The following RPS6KC1 variants were observed in gnomAD, a reference collection of about 807,000 sequenced individuals.
RPS6KC1 encodes the protein inactive ribosomal protein S6 kinase delta-1.
In RPS6KC1, 54 loss-of-function variants were observed where a neutral mutation model predicts 103.8. The observed-to-expected ratio is 0.52, with a 90% CI of 0.42 to 0.65. RPS6KC1 has a LOEUF of 0.65. Ranked by LOEUF, RPS6KC1 falls within the 30% of genes least tolerant of loss-of-function variation. The probability of loss-of-function intolerance (pLI) is 0.00; values close to 1 mark genes in which losing one functional copy is unlikely to be tolerated. For synonymous variants in RPS6KC1, 439 were observed against 438.7 expected (o/e 1.00, Z -0.01); for missense variants, 1,151 against 1,253.8 (o/e 0.92, Z 1.24).
chr1:213,813,154 G>A, the RPS6KC1 span, among the ~76,000 whole-genome samples: 1 of 152,026 alleles, frequency 6.6e-6, no homozygotes, highest in Non-Finnish European at 1.5e-5. Flanking sequence ...GGGAGGCTGA[G>A]GCAGGAGAAT....
At chr1:213,409,993 G>A in the RPS6KC1 span, among the ~76,000 whole-genome samples, 27 of 152,234 alleles carry the variant, frequency 1.8e-4, no homozygotes, top group South Asian at 4.1e-4. Context: ...TGAGAGCCCC[G>A]TCTCTAAAAA....
At chr1:213,406,348 T>G in the RPS6KC1 span, among the ~76,000 whole-genome samples, 1 of 152,226 alleles carries the variant, frequency 6.6e-6, no homozygotes, top group Admixed American at 6.5e-5. Flanking sequence ...TGCATTTTTT[T>G]CCTTTCCTTT....
At chr1:213,228,137 A>C (rs1322208506) in intron 8 of RPS6KC1, among the ~76,000 whole-genome samples, 2 of 152,200 alleles carry the variant, frequency 1.3e-5, no homozygotes, top group Admixed American at 6.5e-5. Context: ...CAGCAGAAGA[A>C]AGGAAGAAAG....
chr1:213,355,232 A>AAG, the RPS6KC1 span, among the ~76,000 whole-genome samples: 3 of 151,782 alleles, frequency 2.0e-5, no homozygotes, highest in South Asian at 2.1e-4. Context: ...GGAAAAAAAA[A>AAG]AGAGAGAGAG....
chr1:213,351,089 T>G, the RPS6KC1 span, among the ~76,000 whole-genome samples: 1 of 152,226 alleles, frequency 6.6e-6, no homozygotes, highest in African/African-American at 2.4e-5. Flanking sequence ...ATGTACATAT[T>G]TACTTTAATA....
At chr1:213,753,726 A>G in the RPS6KC1 span, among the ~76,000 whole-genome samples, 1 of 152,282 alleles carries the variant, frequency 6.6e-6, no homozygotes, top group Non-Finnish European at 1.5e-5. Context: ...TGGAAGGCAC[A>G]TCTATTTCTA....
At chr1:213,740,670 T>TAC in the RPS6KC1 span, among the ~76,000 whole-genome samples, 4 of 151,160 alleles carry the variant, frequency 2.6e-5, no homozygotes, top group South Asian at 6.3e-4. Context: ...TATATACACA[T>TAC]ATATATCTCT....
intron 14 of RPS6KC1, among the ~76,000 whole-genome samples, chr1:213,266,902 TCAAACAAACAAA>T (rs66700615): frequency 0.46 from 68,469 of 147,672 alleles, 16,868 homozygotes; most frequent in African/African-American, 0.61. Flanking sequence ...AGGCTCCGTC[TCAAACAAACAAA>T]CAAACAAACA....
chr1:213,236,250 A>G (rs890827656), intron 10 of RPS6KC1, among the ~76,000 whole-genome samples: 1 of 152,192 alleles, frequency 6.6e-6, no homozygotes, highest in African/African-American at 2.4e-5. Flanking sequence ...CTTGGTGCCA[A>G]AATGGTTGGG....
the RPS6KC1 span, among the ~76,000 whole-genome samples, chr1:213,550,305 C>G: frequency 1.3e-5 from 2 of 152,180 alleles, no homozygotes; most frequent in Non-Finnish European, 2.9e-5. Context: ...ATTCTGAGAT[C>G]CTCTTTCCTC....
At chr1:213,324,502 C>A in the RPS6KC1 span, among the ~76,000 whole-genome samples, 1 of 149,378 alleles carries the variant, frequency 6.7e-6, no homozygotes, top group Non-Finnish European at 1.5e-5. Context: ...TTGCTTAGGT[C>A]TATTGGAAAA....
the RPS6KC1 span, among the ~76,000 whole-genome samples, chr1:213,631,209 T>A: frequency 1.3e-5 from 2 of 152,014 alleles, no homozygotes; most frequent in Non-Finnish European, 2.9e-5. Flanking sequence ...GTGTGCTGCA[T>A]CCACTGTCCT....
chr1:213,282,354 T>C, the RPS6KC1 span, among the ~76,000 whole-genome samples: 2 of 152,232 alleles, frequency 1.3e-5, no homozygotes, highest in Non-Finnish European at 2.9e-5. Flanking sequence ...TTGTGTAACC[T>C]TACCTTCTTG....
the RPS6KC1 span, among the ~76,000 whole-genome samples, chr1:213,774,658 T>C: frequency 1.2e-4 from 18 of 152,222 alleles, no homozygotes; most frequent in Non-Finnish European, 2.6e-4. Context: ...CAGTTAACTG[T>C]GGAATAGTCC....
the RPS6KC1 span, among the ~76,000 whole-genome samples, chr1:213,289,910 G>A: frequency 2.0e-5 from 3 of 151,942 alleles, no homozygotes; most frequent in African/African-American, 4.8e-5. Context: ...GTGGTGGCGC[G>A]TGCCTGTGAT....
chr1:213,454,147 T>TTG, the RPS6KC1 span, among the ~76,000 whole-genome samples: 1 of 150,480 alleles, frequency 6.6e-6, no homozygotes, highest in African/African-American at 2.5e-5. Context: ...TTTGACCACA[T>TTG]GGGGGGGGTC....
In RPS6KC1 at chr1:213,262,752, A is replaced by G. The variant is rs1239595354; in HGVS notation, c.3026A>G (p.Asn1009Ser). The change falls in exon 14 of 15, where the codon AAT becomes AGT. Residue 1009 changes from asparagine to serine, a missense_variant. Asn to Ser is a conservative substitution (Grantham distance 46). Transcript: ENST00000366960. The part of the protein sequence containing the change: ...TLVECHPAGI[N>S]THTTLNMPEC... Reference sequence around the variant, plus strand: ...GTTGAATGCCATCCAGCAGGAATAAATACTCACACTACTTTGAACATGCCA... The same window carrying G: ...GTTGAATGCCATCCAGCAGGAATAAGTACTCACACTACTTTGAACATGCCA... 6.2e-7 allele frequency: 1 copy of G among 1,612,942 alleles called. No individual in the cohort carries two copies. The highest frequency in any genetic ancestry group is 1.7e-5 in the Admixed American group (1 of 60,016).
chr1:213,304,539 C>CT, the RPS6KC1 span, among the ~76,000 whole-genome samples: 1,068 of 143,314 alleles, frequency 7.5e-3, 4 homozygotes, highest in African/African-American at 0.016. Context: ...AATTTTGCAT[C>CT]TTTTTTTTTT....
At chr1:213,185,780 T>C (rs921790734) in intron 8 of RPS6KC1, among the ~76,000 whole-genome samples, 2 of 152,086 alleles carry the variant, frequency 1.3e-5, no homozygotes, top group African/African-American at 4.8e-5. Flanking sequence ...TCTTTTTTCT[T>C]GTCTTCCTTT....
Sources: allele counts gnomAD v4.1 joint callset (sites outside exome capture counted in the v4.1 genomes callset), GRCh38; gene constraint gnomAD v4.1.1; transcripts MANE v1.5; gene names NCBI Gene and HGNC (gene_info 2026-07-23, HGNC 2026-07-21).